Variants in EFNB2 observed in about 807,000 individuals in gnomAD.
EFNB2 encodes the protein ephrin-B2.
A neutral mutation model predicts 32.1 loss-of-function variants in EFNB2; 5 were observed. The observed-to-expected ratio is 0.16, with a 90% confidence interval of 0.08 to 0.33. The LOEUF (loss-of-function observed/expected upper bound fraction) is 0.33, where lower values mean the gene tolerates loss of function less well. EFNB2 is among the 10% of genes least tolerant of loss of function. The pLI is 1.00. For synonymous variants in EFNB2, 168 were observed against 166.5 expected, an observed-to-expected ratio of 1.01 and a Z score of -0.07; for missense variants, 263 against 422.6, an observed-to-expected ratio of 0.62 and a Z score of 3.31.
At chr13:106,497,809 G>T (rs1165662204) in intron 2 of EFNB2, among the ~76,000 whole-genome samples, 1 of 152,010 alleles carries the variant, frequency 6.6e-6, no homozygotes, top group East Asian at 1.9e-4. Flanking sequence ...CCTCCCAGAG[G>T]CTTCAAACTA....
intron 2 of EFNB2, among the ~76,000 whole-genome samples, chr13:106,509,645 GTGTGT>G (rs1312741953): frequency 1.3e-5 from 2 of 151,258 alleles, no homozygotes; most frequent in Non-Finnish European, 2.9e-5. Flanking sequence ...GTGTGTGTGT[GTGTGT>G]GTGTGTGTGT....
intron 1 of EFNB2, among the ~76,000 whole-genome samples, chr13:106,524,998 T>A (rs1475713395): frequency 2.6e-5 from 4 of 152,230 alleles, no homozygotes; most frequent in African/African-American, 9.6e-5. Context: ...AGTATTTTAA[T>A]TTTTTCCTTG....
intron 4 of EFNB2, among the ~76,000 whole-genome samples, chr13:106,494,446 A>G (rs1487140613): frequency 6.6e-6 from 1 of 152,266 alleles, no homozygotes; most frequent in Non-Finnish European, 1.5e-5. Context: ...AAATACTATT[A>G]TGCAATATTT....
intron 3 of EFNB2, among the ~76,000 whole-genome samples, 163 bp from the exon 4 acceptor site, chr13:106,495,157 G>A (rs1186601345): frequency 6.6e-6 from 1 of 152,170 alleles, no homozygotes; most frequent in Non-Finnish European, 1.5e-5. Flanking sequence ...AAAACAAAAT[G>A]GTTATACTAG....
intron 1 of EFNB2, among the ~76,000 whole-genome samples, chr13:106,529,143 G>C (rs1450991362): frequency 6.6e-6 from 1 of 152,068 alleles, no homozygotes; most frequent in Non-Finnish European, 1.5e-5. Flanking sequence ...GTTTACCTTT[G>C]CTTCTCCCAT....
In EFNB2 at chr13:106,492,473, T is replaced by C. The variant is rs1878440436; in HGVS notation, c.*567A>G. 6.5e-6 allele frequency: 1 copy of C among 153,480 alleles called. No individual in the cohort carries two copies. The highest frequency in any genetic ancestry group is 6.5e-5 in the Admixed American group (1 of 15,476). The allele number at this position is 153,480 out of a possible 1,614,324, so 9.5% of individuals were successfully genotyped here. On this transcript the variant is annotated 3_prime_UTR_variant, in exon 5 of 5. Coordinates refer to ENST00000646441, the MANE Select transcript of EFNB2 (RefSeq NM_004093.4). This position sits in a 1 kb window ranked among gnomAD's most constrained non-coding sequence, Gnocchi z 5.1. ...GGGGACTCCAGACATGAGTGTTCCA[T>C]GAGTGATGCAGATGTGGAGTGGAGG...
At chr13:106,506,134 A>G (rs1162282445) in intron 2 of EFNB2, 2 of 152,340 alleles carry the variant, frequency 1.3e-5, no homozygotes, top group East Asian at 3.9e-4. Flanking sequence ...TACACCCAGA[A>G]AAGGAGTTCA....
chr13:106,510,948 G>A (rs1263591370), intron 2 of EFNB2, among the ~76,000 whole-genome samples: 4 of 152,038 alleles, frequency 2.6e-5, no homozygotes, highest in South Asian at 2.1e-4. Flanking sequence ...GCAGTGAGCC[G>A]AGATCACGCC....
chr13:106,494,487 GATCA>G (rs1878524327), intron 4 of EFNB2, among the ~76,000 whole-genome samples: 2 of 152,134 alleles, frequency 1.3e-5, no homozygotes, highest in Non-Finnish European at 2.9e-5. Flanking sequence ...TTTAGAAGAG[GATCA>G]ATTAAACCCT....
chr13:106,493,794 C>A lies in EFNB2; in HGVS notation c.614-366G>T, dbSNP rs771622275. Among the ~76,000 whole-genome samples, 2 of 152,130 alleles carry A rather than the reference C, an allele frequency of 1.3e-5. No homozygotes were observed. The highest frequency in any genetic ancestry group is 2.9e-5 in the Non-Finnish European group (2 of 68,018). ...GCCAATTCTCCAGGTCAGCGGTGAGCGTTTATGTGGTATTGCTCTTCCGCC... is the reference window on the plus strand; with the variant it reads ...GCCAATTCTCCAGGTCAGCGGTGAGAGTTTATGTGGTATTGCTCTTCCGCC... On this transcript the variant is annotated intron_variant, in intron 4 of 4. Coordinates refer to ENST00000646441, the MANE Select transcript of EFNB2 (RefSeq NM_004093.4). The surrounding 1 kb of genome is among the most constrained non-coding windows in gnomAD (Gnocchi z 6.1).
intron 1 of EFNB2, among the ~76,000 whole-genome samples, chr13:106,530,731 A>C (rs1879844090): frequency 6.6e-6 from 1 of 152,184 alleles, no homozygotes; most frequent in Non-Finnish European, 1.5e-5. Context: ...CATTAGGTGA[A>C]CGCACTCTAA....
chr13:106,512,392 A>AAGC, intron 2 of EFNB2, 137 bp downstream of exon 2: 1 of 300,382 alleles, frequency 3.3e-6, no homozygotes, highest in Non-Finnish European at 5.2e-6. Flanking sequence ...AAAAAAAAAA[A>AAGC]GGGGGGGGGG....
rs908245729 is a variant in EFNB2 at position 106,535,270 on chromosome 13, G to C, written c.-306C>G. On this transcript the variant is annotated 5_prime_UTR_variant, in exon 1 of 5. Transcript: ENST00000646441. Reference sequence around the variant, plus strand: ...CGTGCGGCTCCAGGGTGCCGGGCCGGCCGCGGCTGGCGGGTGGGCGCGGGG... The same window carrying C: ...CGTGCGGCTCCAGGGTGCCGGGCCGCCCGCGGCTGGCGGGTGGGCGCGGGG... 6.7e-6 allele frequency: 1 copy of C among 149,154 alleles called. No homozygotes were observed. Among genetic ancestry groups the C allele is most frequent in the African/African-American group, 2.4e-5 (1 of 40,918 alleles). 9.2% of individuals were successfully genotyped at this position (149,154 alleles called of 1,614,324 possible).
In EFNB2 at chr13:106,532,069, A is replaced by AC. The variant is rs1566464956; in HGVS notation, c.122+2773_122+2774insG. On this transcript the variant is annotated intron_variant, in intron 1 of 4. Coordinates refer to ENST00000646441, the MANE Select transcript of EFNB2 (RefSeq NM_004093.4). Reference sequence around the variant, plus strand: ...TCTCTGCTGAATTAAAAAAAAAACAAAAAAAAAACCAAAACTTTAAACAAC... The same window carrying AC: ...TCTCTGCTGAATTAAAAAAAAAACAACAAAAAAAACCAAAACTTTAAACAAC... 3.0e-3 allele frequency among the ~76,000 whole-genome samples: 232 copies of AC among 78,298 alleles called. 1 individual carries two copies. Among genetic ancestry groups the AC allele is most frequent in the Admixed American group, 0.016 (99 of 6,190 alleles). The allele number at this position is 78,298 out of a possible 152,430, so 51.4% of individuals were successfully genotyped here.
At chr13:106,498,915 C>T (rs1170269369) in intron 2 of EFNB2, among the ~76,000 whole-genome samples, 1 of 152,128 alleles carries the variant, frequency 6.6e-6, no homozygotes, top group Non-Finnish European at 1.5e-5. Flanking sequence ...CTGGAAGATA[C>T]TGAAAAATTC....
At chr13:106,496,591 T>C (rs1263317753) in intron 2 of EFNB2, among the ~76,000 whole-genome samples, 1 of 152,190 alleles carries the variant, frequency 6.6e-6, no homozygotes, top group East Asian at 1.9e-4. Context: ...GGAGAGAAAG[T>C]GGGGACTTTT....
chr13:106,493,281 C>T lies in EFNB2; in HGVS notation c.761G>A (p.Arg254Lys). 6.2e-7 allele frequency: 1 copy of T among 1,614,188 alleles called. No homozygotes were observed. The highest frequency in any genetic ancestry group is 2.2e-5 in the East Asian group (1 of 44,880). The part of the protein sequence containing the change: ...TLVVLLLKYR[R>K]RHRKHSPQHT... ...CTGCGGCGAGTGCTTCCTGTGTCTC[C>T]TCCGGTACTTCAGCAAGAGGACCAC... The change falls in exon 5 of 5, where the codon AGG becomes AAG. Residue 254 changes from arginine (R) to lysine (K), a missense_variant. Arg to Lys is a conservative substitution (Grantham distance 26). Coordinates refer to ENST00000646441, the MANE Select transcript of EFNB2 (RefSeq NM_004093.4). The surrounding 1 kb of genome is among the most constrained non-coding windows in gnomAD (Gnocchi z 6.1).
chr13:106,523,575 T>C (rs1879606038), intron 1 of EFNB2, among the ~76,000 whole-genome samples: 1 of 152,174 alleles, frequency 6.6e-6, no homozygotes, highest in Non-Finnish European at 1.5e-5. Flanking sequence ...GGTCTCCAGG[T>C]AAGCAGATGC....
intron 1 of EFNB2, among the ~76,000 whole-genome samples, chr13:106,524,113 C>A (rs1375313309): frequency 1.3e-5 from 2 of 152,098 alleles, no homozygotes; most frequent in Non-Finnish European, 2.9e-5. Context: ...TTGGGTATAA[C>A]CTTATTATAC....
Sources: gnomAD v4.1 joint callset for allele counts (sites outside exome capture counted in the v4.1 genomes callset) on GRCh38, gnomAD v4.1.1 for gene constraint, Gnocchi (gnomAD v3.1) non-coding constraint, MANE v1.5 for transcripts, NCBI Gene and HGNC (gene_info 2026-07-23, HGNC 2026-07-21) for gene names.